The following WDR41 variants were observed in gnomAD, a reference collection of about 807,000 sequenced individuals.
WDR41 encodes WD repeat-containing protein 41.
Under a neutral mutation model 69.3 loss-of-function variants are expected in WDR41, and 63 were observed. The ratio of observed to expected loss-of-function variants is 0.91; its 90% CI spans 0.74 to 1.12. The LOEUF (loss-of-function observed/expected upper bound fraction) is 1.12. Ranked by LOEUF, WDR41 falls within the 50% of genes most tolerant of loss-of-function variation. WDR41 has a pLI of 0.00. For missense variants in WDR41, 543 were observed against 534.5 expected (o/e 1.02, Z -0.16); for synonymous variants, 185 against 192.1 (o/e 0.96, Z 0.31).
upstream of WDR41, among the ~76,000 whole-genome samples, chr5:77,494,314 A>G (rs1801907325): frequency 6.6e-6 from 1 of 152,144 alleles, no homozygotes; most frequent in Non-Finnish European, 1.5e-5. Context: ...ATTCCTCTTT[A>G]TCAGTAATTA....
intron 8 of WDR41, among the ~76,000 whole-genome samples, chr5:77,443,675 A>G (rs986829363): frequency 7.9e-5 from 12 of 152,112 alleles, no homozygotes; most frequent in Admixed American, 2.6e-4. Flanking sequence ...GAACCAGAGA[A>G]GCTAAGGAGT....
chr5:77,533,315 T>C (rs1395958515), intron 1 of WDR41, among the ~76,000 whole-genome samples: 1 of 152,156 alleles, frequency 6.6e-6, no homozygotes, highest in East Asian at 1.9e-4. Context: ...AAGGAACTAA[T>C]AAGTAAAATC....
At chr5:77,565,415 C>T (rs558009614) in intron 1 of WDR41, among the ~76,000 whole-genome samples, 43 of 152,246 alleles carry the variant, frequency 2.8e-4, no homozygotes, top group Admixed American at 2.8e-3. Flanking sequence ...CTGACAAGGA[C>T]AGTCTTCTAA....
chr5:77,464,274 C>CTTTTTTTTTTTT (rs71606297), intron 3 of WDR41, among the ~76,000 whole-genome samples: 6 of 94,220 alleles, frequency 6.4e-5, no homozygotes, highest in Non-Finnish European at 7.8e-5. Flanking sequence ...TAGGAAAAAA[C>CTTTTTTTTTTTT]TTTTTTTTTT....
chr5:77,536,461 C>G (rs944886152), intron 1 of WDR41, among the ~76,000 whole-genome samples: 20 of 151,600 alleles, frequency 1.3e-4, no homozygotes, highest in African/African-American at 4.8e-4. Flanking sequence ...AGTGAAGATA[C>G]AGAAGTTAAA....
At position 77,445,587 on chromosome 5, in the gene WDR41, G is replaced by A. The variant is rs575158118; in HGVS notation, c.697+4173C>T. Among the ~76,000 whole-genome samples the A allele has an allele frequency of 8.5e-5, 13 of 152,248 alleles. No homozygotes were observed. In the South Asian group the frequency reaches 2.1e-3, roughly 24 times the overall value. ...AAAGCTTATCCACCATGATCAAGTG[G>A]GCTTCATCCCTGGGATGCAAGGCTG... On this transcript the variant is annotated intron_variant, in intron 8 of 12. Coordinates refer to ENST00000296679, the MANE Select transcript of WDR41 (RefSeq NM_018268.4).
chr5:77,448,213 G>C (rs1216028293), intron 8 of WDR41, among the ~76,000 whole-genome samples: 1 of 152,166 alleles, frequency 6.6e-6, no homozygotes, highest in Non-Finnish European at 1.5e-5. Context: ...TTTCTCAGCA[G>C]CCCTGGGAAC....
intron 1 of WDR41, among the ~76,000 whole-genome samples, chr5:77,530,656 G>C (rs1802514323): frequency 1.3e-5 from 2 of 151,652 alleles, no homozygotes. Flanking sequence ...GTTTTATCTT[G>C]ATATAGGTTT....
At chr5:77,617,920 G>A (rs767787735) in intron 1 of WDR41, among the ~76,000 whole-genome samples, 5 of 152,206 alleles carry the variant, frequency 3.3e-5, no homozygotes, top group Non-Finnish European at 7.3e-5. Context: ...AGGATATGGA[G>A]GCTGAAAGAA....
At chr5:77,490,539 A>C (rs528101681) in intron 1 of WDR41, among the ~76,000 whole-genome samples, 1 of 152,316 alleles carries the variant, frequency 6.6e-6, no homozygotes, top group South Asian at 2.1e-4. Flanking sequence ...TATACAACTC[A>C]ATTAGATTTA....
intron 2 of WDR41, among the ~76,000 whole-genome samples, chr5:77,466,667 G>A (rs1800321555): frequency 6.6e-6 from 1 of 151,846 alleles, no homozygotes; most frequent in African/African-American, 2.4e-5. Flanking sequence ...AATTCAATCA[G>A]TAGGGAACAA....
chr5:77,527,923 T>C (rs1042698383), intron 1 of WDR41, among the ~76,000 whole-genome samples: 2 of 151,770 alleles, frequency 1.3e-5, no homozygotes, highest in Non-Finnish European at 1.5e-5. Flanking sequence ...TTTAAAGGAA[T>C]ACTTTAGGAG....
chr5:77,551,669 C>T (rs1181839767), intron 1 of WDR41, among the ~76,000 whole-genome samples: 2 of 151,426 alleles, frequency 1.3e-5, no homozygotes, highest in Non-Finnish European at 2.9e-5. Flanking sequence ...CAGAGTGAGA[C>T]TCTGACTCAA....
chr5:77,582,521 T>C lies in WDR41; in HGVS notation c.42+37958A>G. On this transcript the variant is annotated intron_variant, in intron 1 of 5. Coordinates refer to the WDR41 transcript ENST00000509971. ...ATGCTTCGAAAGGCAAGGAGGAAGCTTATCTATGAAAAAGCAAAGCACTAT... is the reference window on the plus strand; with the variant it reads ...ATGCTTCGAAAGGCAAGGAGGAAGCCTATCTATGAAAAAGCAAAGCACTAT... 3 of 1,599,216 alleles carry C rather than the reference T, an allele frequency of 1.9e-6. No homozygotes were observed. In the South Asian group the frequency reaches 3.3e-5, roughly 18 times the overall value.
chr5:77,524,034 T>C (rs929070546), intron 1 of WDR41, among the ~76,000 whole-genome samples: 2 of 152,190 alleles, frequency 1.3e-5, no homozygotes, highest in Non-Finnish European at 2.9e-5. Flanking sequence ...CTAAACGTGT[T>C]TTCTAATACT....
upstream of WDR41, chr5:77,492,447 G>T: frequency 2.1e-6 from 1 of 479,568 alleles, no homozygotes. Flanking sequence ...CAGTCGCTTG[G>T]GGTGCGGCGG....
chr5:77,454,667 T>A (rs1799759019), intron 5 of WDR41, among the ~76,000 whole-genome samples: 2 of 152,192 alleles, frequency 1.3e-5, no homozygotes, highest in South Asian at 4.1e-4. Context: ...CCACTGACTC[T>A]GAGTCAGACA....
At chr5:77,513,946 T>C (rs906377711) in intron 1 of WDR41, among the ~76,000 whole-genome samples, 15 of 147,024 alleles carry the variant, frequency 1.0e-4, no homozygotes, top group Non-Finnish European at 1.6e-4. Flanking sequence ...ATCAAACATA[T>C]ATTTTTCTTC....
chr5:77,580,817 G>A (rs1427925788), intron 1 of WDR41, among the ~76,000 whole-genome samples: 6 of 151,786 alleles, frequency 4.0e-5, no homozygotes, highest in Admixed American at 2.0e-4. Flanking sequence ...TTAGCCAGGC[G>A]TGGTGGTGGG....
Sources: allele counts gnomAD v4.1 joint callset (sites outside exome capture counted in the v4.1 genomes callset), GRCh38; gene constraint gnomAD v4.1.1; transcripts MANE v1.5; gene names NCBI Gene and HGNC (gene_info 2026-07-23, HGNC 2026-07-21).